Variants in TMEM117 observed in about 807,000 individuals in gnomAD.
TMEM117 encodes the protein transmembrane protein 117.
Under a neutral mutation model 52.4 loss-of-function variants are expected in TMEM117, and 27 were observed. That is an observed-to-expected ratio of 0.51 (90% CI 0.38 to 0.71). TMEM117 has a LOEUF of 0.71. TMEM117 is among the 30% of genes least tolerant of loss of function. TMEM117 has a pLI of 0.00. For synonymous variants in TMEM117, 215 were observed against 206.3 expected (o/e 1.04, Z -0.36); for missense variants, 556 against 630.5 (o/e 0.88, Z 1.26).
chr12:44,354,823 A>T (rs902011417), intron 6 of TMEM117, among the ~76,000 whole-genome samples: 1 of 152,074 alleles, frequency 6.6e-6, no homozygotes, highest in Non-Finnish European at 1.5e-5. Flanking sequence ...ATTAAAAAAA[A>T]AATCACTGAA....
intron 5 of TMEM117, among the ~76,000 whole-genome samples, chr12:44,243,413 T>C (rs780489685): frequency 1.3e-5 from 2 of 151,804 alleles, no homozygotes; most frequent in Non-Finnish European, 1.5e-5. Flanking sequence ...CTCCTGAAAA[T>C]GTAAAAATTA....
intron 3 of TMEM117, among the ~76,000 whole-genome samples, chr12:43,970,207 T>C (rs1945558388): frequency 6.6e-6 from 1 of 152,180 alleles, no homozygotes; most frequent in South Asian, 2.1e-4. Context: ...GGAACCCTTA[T>C]TTTACTTCAT....
At chr12:44,289,537 T>C (rs988772122) in intron 5 of TMEM117, among the ~76,000 whole-genome samples, 2 of 148,766 alleles carry the variant, frequency 1.3e-5, no homozygotes, top group African/African-American at 5.1e-5. Context: ...AGATCTGTTT[T>C]CTTTTCTTTT....
At chr12:43,935,809 C>A (rs781326544) in intron 2 of TMEM117, among the ~76,000 whole-genome samples, 6 of 152,174 alleles carry the variant, frequency 3.9e-5, no homozygotes, top group Non-Finnish European at 7.3e-5. Context: ...AAGAAGACAA[C>A]TTCCCAGAGG....
chr12:44,224,662 G>A (rs1297716014), intron 5 of TMEM117, among the ~76,000 whole-genome samples: 2 of 152,034 alleles, frequency 1.3e-5, no homozygotes, highest in African/African-American at 4.8e-5. Flanking sequence ...TTTTGTCTCT[G>A]AAACTCTATC....
chr12:44,236,709 C>T (rs1011341993), intron 5 of TMEM117, among the ~76,000 whole-genome samples: 4 of 151,976 alleles, frequency 2.6e-5, no homozygotes, highest in Admixed American at 6.6e-5. Context: ...CACTTTATAG[C>T]GGTAATTTCA....
chr12:44,272,073 A>G (rs75106774), intron 5 of TMEM117, among the ~76,000 whole-genome samples: 6,916 of 152,162 alleles, frequency 0.045, 528 homozygotes, highest in African/African-American at 0.16. Context: ...AATCAAAAAG[A>G]TGAAAGATAA....
At chr12:44,088,178 G>C (rs1361462082) in intron 3 of TMEM117, among the ~76,000 whole-genome samples, 2 of 152,048 alleles carry the variant, frequency 1.3e-5, no homozygotes, top group African/African-American at 2.4e-5. Context: ...GAACTCAAAG[G>C]GTCTTGGTGT....
the TMEM117 span, among the ~76,000 whole-genome samples, chr12:44,396,632 T>A: frequency 1.3e-5 from 2 of 152,090 alleles, no homozygotes; most frequent in Admixed American, 1.3e-4. Context: ...GGCAGGCAGA[T>A]CACTTAAGGT....
At chr12:44,137,267 G>A (rs1948504661) in intron 3 of TMEM117, among the ~76,000 whole-genome samples, 1 of 152,008 alleles carries the variant, frequency 6.6e-6, no homozygotes, top group South Asian at 2.1e-4. Context: ...AAAAGTAATG[G>A]CAGTAGGTTT....
intron 3 of TMEM117, among the ~76,000 whole-genome samples, chr12:44,084,754 A>G (rs941901281): frequency 6.6e-5 from 10 of 152,176 alleles, no homozygotes; most frequent in African/African-American, 9.6e-5. Flanking sequence ...TGGCATAACA[A>G]TGACCATATG....
the TMEM117 span, among the ~76,000 whole-genome samples, chr12:44,396,853 A>T: frequency 6.6e-6 from 1 of 151,148 alleles, no homozygotes; most frequent in Non-Finnish European, 1.5e-5. Context: ...GACTCCAAAA[A>T]AAAAAAAAAA....
At chr12:43,995,532 T>C (rs1419496802) in intron 3 of TMEM117, among the ~76,000 whole-genome samples, 1 of 152,214 alleles carries the variant, frequency 6.6e-6, no homozygotes, top group South Asian at 2.1e-4. Context: ...TTCTTGTTTT[T>C]TAAAATTTTT....
chr12:43,842,446 CTATTGCCAATGTTTA>C (rs55684707), intron 1 of TMEM117, among the ~76,000 whole-genome samples: 42,938 of 151,718 alleles, frequency 0.28, 9,763 homozygotes, highest in African/African-American at 0.63. Context: ...TGGCTGAATT[CTATTGCCAATGTTTA>C]TATTGCCAAT....
At chr12:44,221,741 C>T (rs948075129) in intron 5 of TMEM117, among the ~76,000 whole-genome samples, 1 of 151,902 alleles carries the variant, frequency 6.6e-6, no homozygotes, top group African/African-American at 2.4e-5. Flanking sequence ...CTCTGTCAAC[C>T]AGGCTGGAGT....
At chr12:44,091,773 G>T (rs116136279) in intron 3 of TMEM117, among the ~76,000 whole-genome samples, 1,526 of 152,276 alleles carry the variant, frequency 0.01, 9 homozygotes, top group African/African-American at 0.016. Flanking sequence ...AGGGAAACTG[G>T]AGTGTAAAAA....
chr12:44,256,860 A>C (rs1325217449), intron 5 of TMEM117, among the ~76,000 whole-genome samples: 1 of 151,752 alleles, frequency 6.6e-6, no homozygotes, highest in East Asian at 1.9e-4. Context: ...CTGTCTCAGT[A>C]TATAATGATT....
At chr12:44,366,671 A>G (rs966787558) in intron 6 of TMEM117, among the ~76,000 whole-genome samples, 2 of 152,098 alleles carry the variant, frequency 1.3e-5, no homozygotes, top group Non-Finnish European at 2.9e-5. Flanking sequence ...ACTTTCTGTT[A>G]CATATTATCA....
At chr12:44,038,142 G>A (rs926409209) in intron 3 of TMEM117, among the ~76,000 whole-genome samples, 1 of 152,084 alleles carries the variant, frequency 6.6e-6, no homozygotes, top group Non-Finnish European at 1.5e-5. Flanking sequence ...TGGTGGGTGG[G>A]GCTAAAAGAG....
Sources: allele counts gnomAD v4.1 joint callset (sites outside exome capture counted in the v4.1 genomes callset), GRCh38; gene constraint gnomAD v4.1.1; transcripts MANE v1.5; gene names NCBI Gene and HGNC (gene_info 2026-07-23, HGNC 2026-07-21).